Variants in PIK3CB observed in about 807,000 individuals in gnomAD.
PIK3CB encodes phosphatidylinositol 4,5-bisphosphate 3-kinase catalytic subunit beta isoform.
PIK3CB carries 39 observed loss-of-function variants against 136.8 expected under a neutral mutation model. That is an observed-to-expected ratio of 0.29 (90% CI 0.22 to 0.37). The LOEUF (loss-of-function observed/expected upper bound fraction) is 0.37, where lower values mean the gene tolerates loss of function less well. Ranked by LOEUF, PIK3CB falls within the 10% of genes least tolerant of loss-of-function variation. PIK3CB has a pLI of 1.00. For missense variants in PIK3CB, 868 were observed against 1,275.4 expected (o/e 0.68, Z 4.87); for synonymous variants, 428 against 436.6 (o/e 0.98, Z 0.25).
chr3:138,785,031 CG>C (rs2045961952), intron 2 of PIK3CB, among the ~76,000 whole-genome samples: 1 of 151,812 alleles, frequency 6.6e-6, no homozygotes, highest in South Asian at 2.1e-4. Flanking sequence ...GGAGCCCCTC[CG>C]CCCCGCAGCC....
intron 1 of PIK3CB, among the ~76,000 whole-genome samples, chr3:138,805,121 G>A (rs1576423431): frequency 6.6e-6 from 1 of 151,960 alleles, no homozygotes; most frequent in East Asian, 1.9e-4. Context: ...GATCACCTGA[G>A]GTCAGGAGTT....
rs1265379220 is a variant in PIK3CB, at chr3:138,808,748, C to CCTTT, written c.-121-12182_-121-12181insAAAG. Among the ~76,000 whole-genome samples the CCTTT allele has an allele frequency of 2.9e-3, 444 of 151,636 alleles. 2 individuals are homozygous for CCTTT. The highest frequency in any genetic ancestry group is 0.01 in the African/African-American group (426 of 41,358). On this transcript the variant is annotated intron_variant, in intron 1 of 23. Transcript: ENST00000674063. ...TCTCTCTCCTTTTCTCTCTCTCTCT[C>CCTTT]TCTATATATATATACACACACACTA...
At chr3:138,777,523 G>A (rs1057046828) in intron 2 of PIK3CB, among the ~76,000 whole-genome samples, 21 of 152,094 alleles carry the variant, frequency 1.4e-4, no homozygotes, top group African/African-American at 4.8e-4. Context: ...CCATCCCTCA[G>A]ACGTCATGTT....
chr3:138,755,584 C>T (rs2045550408), intron 4 of PIK3CB, among the ~76,000 whole-genome samples, 170 bp downstream of exon 4: 1 of 152,112 alleles, frequency 6.6e-6, no homozygotes, highest in Admixed American at 6.6e-5. Flanking sequence ...GGTTTCTAAA[C>T]ATTTATTCTC....
chr3:138,790,230 G>A (rs1231538665), intron 2 of PIK3CB, among the ~76,000 whole-genome samples: 1 of 152,094 alleles, frequency 6.6e-6, no homozygotes, highest in African/African-American at 2.4e-5. Flanking sequence ...TGGAGTTTCG[G>A]TTAGGGATGA....
intron 2 of PIK3CB, among the ~76,000 whole-genome samples, chr3:138,781,997 A>G (rs1035905166): frequency 1.3e-5 from 2 of 152,236 alleles, no homozygotes; most frequent in Admixed American, 6.5e-5. Context: ...ATTTCCTTGC[A>G]CTAAATTGCT....
At chr3:138,667,544 T>C (rs2043439762) in intron 19 of PIK3CB, among the ~76,000 whole-genome samples, 1 of 151,744 alleles carries the variant, frequency 6.6e-6, no homozygotes, top group African/African-American at 2.4e-5. Context: ...TTATGCTTTT[T>C]TATTTATTTT....
chr3:138,802,851 T>C (rs575984340), intron 1 of PIK3CB, among the ~76,000 whole-genome samples: 46 of 152,246 alleles, frequency 3.0e-4, no homozygotes, highest in African/African-American at 1.1e-3. Context: ...ACAATACATA[T>C]CCTCTCAAAA....
At chr3:138,770,609 G>T (rs1559871746) in intron 2 of PIK3CB, 1 of 151,800 alleles carries the variant, frequency 6.6e-6, no homozygotes, top group Non-Finnish European at 1.5e-5. Context: ...ACTCGGGAGG[G>T]TGAGGCAGGA....
chr3:138,782,180 A>G (rs767903956), intron 2 of PIK3CB, among the ~76,000 whole-genome samples: 11 of 152,266 alleles, frequency 7.2e-5, no homozygotes, highest in African/African-American at 2.4e-4. Context: ...CTAAAACTTC[A>G]GAATTATTTC....
At chr3:138,792,889 T>A (rs921141870) in intron 2 of PIK3CB, among the ~76,000 whole-genome samples, 5 of 152,194 alleles carry the variant, frequency 3.3e-5, no homozygotes, top group Non-Finnish European at 5.9e-5. Context: ...GAAATCTTCC[T>A]GCCTCAGCTT....
At chr3:138,756,588 A>C (rs2108725295) in intron 3 of PIK3CB, among the ~76,000 whole-genome samples, 1 of 152,284 alleles carries the variant, frequency 6.6e-6, no homozygotes, top group African/African-American at 2.4e-5. Flanking sequence ...CTCCTGGATG[A>C]GATAATATAA....
chr3:138,668,946 C>T (rs1225517294), intron 19 of PIK3CB, among the ~76,000 whole-genome samples: 1 of 152,204 alleles, frequency 6.6e-6, no homozygotes. Context: ...TTTCTTATCT[C>T]TGATTCTGAC....
At chr3:138,689,019 T>C (rs1331075442) in intron 15 of PIK3CB, 45 bp from the exon 16 acceptor site, 1 of 1,139,680 alleles carries the variant, frequency 8.8e-7, no homozygotes, top group Non-Finnish European at 1.3e-6. Context: ...TATCAAACAC[T>C]TCAGATCACC....
chr3:138,728,164 G>A (rs745964128), intron 8 of PIK3CB, among the ~76,000 whole-genome samples: 5 of 152,144 alleles, frequency 3.3e-5, no homozygotes, highest in African/African-American at 4.8e-5. Flanking sequence ...TTAAGGCTCA[G>A]CTGGCATGGA....
chr3:138,688,089 A>C (rs909086869), intron 16 of PIK3CB, among the ~76,000 whole-genome samples: 1 of 152,238 alleles, frequency 6.6e-6, no homozygotes, highest in Non-Finnish European at 1.5e-5. Context: ...AAAGTTTTTA[A>C]CATCATGAAA....
intron 1 of PIK3CB, among the ~76,000 whole-genome samples, chr3:138,813,021 T>C (rs1258630064): frequency 6.6e-6 from 1 of 152,224 alleles, no homozygotes; most frequent in Non-Finnish European, 1.5e-5. Context: ...TCCATAGTTA[T>C]GCAAGATGTT....
intron 8 of PIK3CB, among the ~76,000 whole-genome samples, chr3:138,729,448 G>C (rs1229299637): frequency 2.0e-5 from 3 of 152,206 alleles, no homozygotes; most frequent in Non-Finnish European, 4.4e-5. Context: ...ATTGTGATCA[G>C]TAGACTGGGT....
chr3:138,710,549 T>G (rs1321905879), intron 10 of PIK3CB, among the ~76,000 whole-genome samples: 2 of 152,166 alleles, frequency 1.3e-5, no homozygotes, highest in African/African-American at 4.8e-5. Flanking sequence ...ACACTAAAAA[T>G]TCCAACATTT....
Sources: allele counts gnomAD v4.1 joint callset (sites outside exome capture counted in the v4.1 genomes callset), GRCh38; gene constraint gnomAD v4.1.1; transcripts MANE v1.5; gene names NCBI Gene and HGNC (gene_info 2026-07-23, HGNC 2026-07-21).